CTNNA2: variants seen among roughly 807,000 people sequenced by gnomAD.
CTNNA2 encodes catenin alpha 2.
CTNNA2 carries 42 observed loss-of-function variants against 101.0 expected under a neutral mutation model. The observed-to-expected ratio is 0.42, with a 90% CI of 0.32 to 0.54. The LOEUF (loss-of-function observed/expected upper bound fraction) is 0.54. Among genes scored for constraint, CTNNA2 ranks in the 20% least tolerant of loss-of-function variants. CTNNA2 has a pLI of 0.14. For synonymous variants in CTNNA2, 450 were observed against 456.4 expected (o/e 0.99, Z 0.18); for missense variants, 871 against 1,223.1 (o/e 0.71, Z 4.29).
chr2:79,651,154 A>G (rs2104473800), intron 1 of CTNNA2, among the ~76,000 whole-genome samples: 1 of 152,256 alleles, frequency 6.6e-6, no homozygotes, highest in East Asian at 1.9e-4. Context: ...TAATCACAAC[A>G]TGTGTCACAC....
At chr2:79,661,545 T>C (rs1387215926) in intron 2 of CTNNA2, among the ~76,000 whole-genome samples, 1 of 152,216 alleles carries the variant, frequency 6.6e-6, no homozygotes, top group East Asian at 1.9e-4. Flanking sequence ...AGTTCACCAA[T>C]CCTGGTTTCT....
At chr2:80,465,570 A>G (rs1684785385) in intron 9 of CTNNA2, among the ~76,000 whole-genome samples, 1 of 152,178 alleles carries the variant, frequency 6.6e-6, no homozygotes, top group African/African-American at 2.4e-5. Flanking sequence ...AGGTGCTCCA[A>G]AGCTTTCTGC....
At chr2:80,410,061 ATT>A (rs1679429590) in intron 8 of CTNNA2, among the ~76,000 whole-genome samples, 1 of 152,084 alleles carries the variant, frequency 6.6e-6, no homozygotes, top group African/African-American at 2.4e-5. Context: ...GGGGAGAGAT[ATT>A]TTTTTCTTGG....
At chr2:79,281,547 T>C (rs1028972257) in intron 2 of CTNNA2, 2 of 152,236 alleles carry the variant, frequency 1.3e-5, no homozygotes, top group African/African-American at 4.8e-5. Flanking sequence ...TGAGTACTAC[T>C]CTGAAGTCAT....
At chr2:79,187,692 A>C (rs994071738) in intron 1 of CTNNA2, among the ~76,000 whole-genome samples, 2 of 152,188 alleles carry the variant, frequency 1.3e-5, no homozygotes, top group Non-Finnish European at 2.9e-5. Flanking sequence ...AAAATTCATG[A>C]TTTCACAGAA....
chr2:79,243,021 C>CACAT lies in CTNNA2; in HGVS notation c.-406+44948_-406+44949insTACA, dbSNP rs1558584661. ...ACACACACACACACACACACACACA[C>CACAT]ACACACACGTTAATATTCATGATAA... is the stretch of plus-strand genomic sequence containing the variant. On this transcript the variant is annotated intron_variant, in intron 2 of 21. Transcript: ENST00000466387. Among the ~76,000 whole-genome samples the CACAT allele has an allele frequency of 4.6e-3, 693 of 149,062 alleles. 2 individuals are homozygous for CACAT. Among genetic ancestry groups the CACAT allele is most frequent in the African/African-American group, 0.016 (658 of 40,276 alleles).
At chr2:80,318,001 C>T (rs534069281) in intron 7 of CTNNA2, among the ~76,000 whole-genome samples, 3 of 152,120 alleles carry the variant, frequency 2.0e-5, no homozygotes, top group Non-Finnish European at 4.4e-5. Flanking sequence ...AAATTTCCAC[C>T]TTCTTTCTAA....
At chr2:80,241,090 C>T (rs182359104) in intron 7 of CTNNA2, among the ~76,000 whole-genome samples, 28 of 152,248 alleles carry the variant, frequency 1.8e-4, no homozygotes, top group Non-Finnish European at 3.2e-4. Context: ...TCGGTCAGGA[C>T]ACCCACTTTG....
chr2:79,405,292 G>C (rs1174764676), intron 4 of CTNNA2, among the ~76,000 whole-genome samples: 2 of 152,002 alleles, frequency 1.3e-5, no homozygotes, highest in Non-Finnish European at 2.9e-5. Flanking sequence ...CAAGGGTCAG[G>C]TGAGACTGCA....
chr2:79,195,368 A>G (rs1305626291), intron 1 of CTNNA2, among the ~76,000 whole-genome samples: 1 of 152,286 alleles, frequency 6.6e-6, no homozygotes, highest in East Asian at 1.9e-4. Context: ...TAGCAGCAAC[A>G]TATCATTCCT....
chr2:80,467,405 A>T (rs963707805), intron 9 of CTNNA2, among the ~76,000 whole-genome samples: 1 of 152,202 alleles, frequency 6.6e-6, no homozygotes. Flanking sequence ...ATAAGACACT[A>T]CTAGGGGAAG....
At chr2:79,414,402 A>G (rs908700543) in intron 4 of CTNNA2, among the ~76,000 whole-genome samples, 1 of 152,098 alleles carries the variant, frequency 6.6e-6, no homozygotes, top group Non-Finnish European at 1.5e-5. Context: ...CCCTAAGTAT[A>G]TTGTTAAAAA....
intron 7 of CTNNA2, among the ~76,000 whole-genome samples, chr2:80,055,557 T>A (rs1355800788): frequency 6.6e-6 from 1 of 152,184 alleles, no homozygotes; most frequent in African/African-American, 2.4e-5. Flanking sequence ...TTGAGCACTT[T>A]CATATAATAA....
intron 18 of CTNNA2, among the ~76,000 whole-genome samples, chr2:80,640,522 C>A (rs1361296167): frequency 1.3e-5 from 2 of 152,110 alleles, no homozygotes; most frequent in East Asian, 3.9e-4. Context: ...TCTTTGTTTG[C>A]TTGAGTTATT....
chr2:80,216,821 T>C (rs1708293663), intron 7 of CTNNA2, among the ~76,000 whole-genome samples: 1 of 150,226 alleles, frequency 6.7e-6, no homozygotes, highest in Non-Finnish European at 1.5e-5. Flanking sequence ...GGGGCCTGAC[T>C]TAGCCTAAGC....
At chr2:80,621,221 C>T (rs982126899) in intron 18 of CTNNA2, among the ~76,000 whole-genome samples, 1 of 151,834 alleles carries the variant, frequency 6.6e-6, no homozygotes, top group Non-Finnish European at 1.5e-5. Flanking sequence ...TATTCTAATG[C>T]ATCCCTGCTC....
chr2:80,639,513 A>ATGTGTGTG lies in CTNNA2; in HGVS notation c.2575-8052_2575-8045dup, dbSNP rs112045877. Among the ~76,000 whole-genome samples the ATGTGTGTG allele has an allele frequency of 8.7e-3, 1,283 of 147,500 alleles. 12 individuals carry two copies. The highest frequency in any genetic ancestry group is 0.026 in the African/African-American group (1,024 of 40,154). On this transcript the variant is annotated intron_variant, in intron 18 of 18. Coordinates refer to ENST00000402739, the MANE Select transcript of CTNNA2 (RefSeq NM_001282597.3). ...GCATGAACCACCATGCCCAGCCTTGATGTGTGTGTGTGTGTGTGTGTGTGT... is the reference window on the plus strand; with the variant it reads ...GCATGAACCACCATGCCCAGCCTTGATGTGTGTGTGTGTGTGTGTGTGTGTGTGTGTGT...
intron 9 of CTNNA2, among the ~76,000 whole-genome samples, chr2:80,481,872 C>T (rs1177743585): frequency 6.6e-6 from 1 of 151,980 alleles, no homozygotes; most frequent in African/African-American, 2.4e-5. Context: ...TTCATGCCTT[C>T]CACAAACCTA....
chr2:79,394,171 T>G (rs1194050027), intron 4 of CTNNA2, among the ~76,000 whole-genome samples: 1 of 152,108 alleles, frequency 6.6e-6, no homozygotes, highest in East Asian at 1.9e-4. Context: ...CTGGACACAT[T>G]TTTTGTTTTT....
Sources: gnomAD v4.1 joint callset for allele counts (sites outside exome capture counted in the v4.1 genomes callset) on GRCh38, gnomAD v4.1.1 for gene constraint, MANE v1.5 for transcripts, NCBI Gene and HGNC (gene_info 2026-07-23, HGNC 2026-07-21) for gene names.